CLEC6A: variants seen among roughly 807,000 people sequenced by gnomAD.
CLEC6A encodes the protein C-type lectin domain family 6 member A.
CLEC6A carries 22 observed loss-of-function variants against 25.7 expected under a neutral mutation model. The ratio of observed to expected loss-of-function variants is 0.85; its 90% CI spans 0.61 to 1.22. The LOEUF (loss-of-function observed/expected upper bound fraction) is 1.22, where lower values mean the gene tolerates loss of function less well. Ranked by LOEUF, CLEC6A falls within the 50% of genes most tolerant of loss-of-function variation. The pLI, the probability that CLEC6A is intolerant of heterozygous loss-of-function variation, is 0.00. For synonymous variants in CLEC6A, 92 were observed against 76.7 expected (o/e 1.20, Z -1.04); for missense variants, 240 against 236.8 (o/e 1.01, Z -0.09).
chr12:8,470,946 T>C (rs1434241924), intron 4 of CLEC6A, among the ~76,000 whole-genome samples: 1 of 152,104 alleles, frequency 6.6e-6, no homozygotes, highest in Admixed American at 6.6e-5. Flanking sequence ...ATATATGACT[T>C]TTATCATGTT....
At chr12:8,471,051 A>T (rs73244610) in intron 4 of CLEC6A, among the ~76,000 whole-genome samples, 1 of 152,044 alleles carries the variant, frequency 6.6e-6, no homozygotes. Flanking sequence ...AATTGAGGTA[A>T]TCAGGTGGTT....
At chr12:8,458,124 C>A in intron 2 of CLEC6A, 137 bp downstream of exon 2, 2 of 595,388 alleles carry the variant, frequency 3.4e-6, no homozygotes, top group Non-Finnish European at 5.9e-6. Context: ...CTTGATTTCT[C>A]CTTTTCCCTT....
At chr12:8,461,618 G>T (rs1939754491) in intron 3 of CLEC6A, among the ~76,000 whole-genome samples, 1 of 152,148 alleles carries the variant, frequency 6.6e-6, no homozygotes, top group Admixed American at 6.5e-5. Context: ...ATAATACCAT[G>T]TCAGCAAATA....
intron 3 of CLEC6A, among the ~76,000 whole-genome samples, chr12:8,463,137 A>G (rs1332642567): frequency 6.6e-6 from 1 of 152,054 alleles, no homozygotes; most frequent in East Asian, 1.9e-4. Context: ...TAAAATTTAC[A>G]TGATACTTTT....
At chr12:8,460,826 G>A in intron 3 of CLEC6A, 1 of 1,045,070 alleles carries the variant, frequency 9.6e-7, no homozygotes, top group Non-Finnish European at 1.5e-6. Flanking sequence ...AGCCCTGGTG[G>A]CCAAAAACGC....
chr12:8,458,038 T>G, intron 2 of CLEC6A, 51 bp downstream of exon 2: 1 of 1,281,124 alleles, frequency 7.8e-7, no homozygotes, highest in East Asian at 2.3e-5. Context: ...CCTTGAATAT[T>G]CCATACAGGT....
At chr12:8,457,805 C>A in intron 1 of CLEC6A, 93 bp from the exon 2 acceptor site, 1 of 858,268 alleles carries the variant, frequency 1.2e-6, no homozygotes, top group South Asian at 1.4e-5. Context: ...CTCTGAGGTT[C>A]TTCATCTAGT....
intron 3 of CLEC6A, chr12:8,460,806 G>T: frequency 8.1e-7 from 1 of 1,238,426 alleles, no homozygotes. Flanking sequence ...TTATATATAG[G>T]ATTCGTGTTA....
chr12:8,461,023 G>T lies in CLEC6A; in HGVS notation c.223+1325G>T. The T allele has an allele frequency of 3.9e-6, 6 of 1,540,436 alleles. No homozygotes were observed. The South Asian group carries it at 6.7e-5, about 17-fold the overall frequency. On this transcript the variant is annotated intron_variant, in intron 3 of 5. Transcript: ENST00000382073. The stretch of plus-strand genomic sequence containing the variant: ...AAAATTTTTGGGGGTTATCCTCATT[G>T]ATCCATTCTATAAAGCTATCAGAAG...
At chr12:8,467,635 C>G (rs1272237815) in intron 4 of CLEC6A, among the ~76,000 whole-genome samples, 1 of 152,140 alleles carries the variant, frequency 6.6e-6, no homozygotes, top group Non-Finnish European at 1.5e-5. Flanking sequence ...AGGCATCCAA[C>G]TTTGTTCTTT....
intron 3 of CLEC6A, among the ~76,000 whole-genome samples, chr12:8,464,289 A>G (rs1315111929): frequency 6.6e-6 from 1 of 152,062 alleles, no homozygotes; most frequent in Admixed American, 6.5e-5. Context: ...AAGCCCAAGA[A>G]GATCACATAT....
At chr12:8,469,886 T>A (rs1939883418) in intron 4 of CLEC6A, among the ~76,000 whole-genome samples, 1 of 152,152 alleles carries the variant, frequency 6.6e-6, no homozygotes, top group Non-Finnish European at 1.5e-5. Context: ...AAAGACTTCA[T>A]GACCAAGAAC....
chr12:8,463,870 T>C (rs1939795862), intron 3 of CLEC6A, among the ~76,000 whole-genome samples: 1 of 152,256 alleles, frequency 6.6e-6, no homozygotes, highest in African/African-American at 2.4e-5. Context: ...TTTTGACAGA[T>C]GCTTTTATTG....
In CLEC6A at chr12:8,477,506, AT is replaced by A. The variant is rs775845223; in HGVS notation, c.*48del. 5 of 1,504,590 alleles carry A rather than the reference AT, an allele frequency of 3.3e-6. No individual in the cohort carries two copies. The African/African-American group carries it at 4.3e-5, about 13-fold the overall frequency. The allele number at this position is 1,504,590 out of a possible 1,614,324, so 93.2% of individuals were successfully genotyped here. A position where few individuals can be genotyped will look rare whatever the true frequency, so the allele number is the denominator to read the frequency against. Reference sequence around the variant, plus strand: ...AAAGAAGAGAAGAATTACTGACGTAATTTTTTCCCTGACGTCTTTAAAATTG... The same window carrying A: ...AAAGAAGAGAAGAATTACTGACGTAATTTTTCCCTGACGTCTTTAAAATTG... On this transcript the variant is annotated 3_prime_UTR_variant, in exon 6 of 6. Transcript: ENST00000382073.
Position 8,459,698 on chromosome 12 carries a change from G to C in CLEC6A, c.223G>C (p.Ala75Pro), listed in dbSNP as rs150852294. ...TCFSEGTKVP[A>P]WGCCPASWKS... ...CTTCAGTGAAGGGACAAAGGTGCCA[G>C]GTAAATCTTTAAAATACTGAAATAG... Residue 75 changes from alanine (A) to proline (P), a missense_variant and splice_region_variant, in exon 3 of 6, where the codon GCC becomes CCC. Transcript: ENST00000382073. The C allele has an allele frequency of 9.3e-4, 1,491 of 1,595,874 alleles. 13 individuals are homozygous for C. The highest frequency in any genetic ancestry group is 7.3e-3 in the African/African-American group (548 of 74,690).
rs140228594 is a variant in CLEC6A at position 8,461,082 on chromosome 12, C to G, written c.223+1384C>G. On this transcript the variant is annotated intron_variant, in intron 3 of 5. Coordinates refer to ENST00000382073, the MANE Select transcript of CLEC6A (RefSeq NM_001007033.2). ...ACACCCAGTGGATCACCAAACCAGT[C>G]CACAAGCACAGGGAGATGTGTGGGC... 2,750 of 1,595,952 alleles carry G rather than the reference C, an allele frequency of 1.7e-3. 46 individuals carry two copies. In the African/African-American group the frequency reaches 0.033, roughly 19 times the overall value.
At chr12:8,468,512 C>T (rs1939866316) in intron 4 of CLEC6A, among the ~76,000 whole-genome samples, 1 of 152,112 alleles carries the variant, frequency 6.6e-6, no homozygotes, top group Admixed American at 6.6e-5. Context: ...GCTAGGACTT[C>T]CAGTACTATG....
Position 8,476,178 on chromosome 12 carries a change from A to C in CLEC6A, c.423A>C (p.Ser141=). ...CATTTTCTTATTTTCTGGGGCTTTC[A>C]GACCCACAAGGTAATAATAATTGGC... ...NESFSYFLGL[S]DPQGNNNWQW... The change falls in exon 5 of 6, where the codon TCA becomes TCC. Residue 141 remains serine (S), a synonymous_variant. Transcript: ENST00000382073. The C allele has an allele frequency of 6.2e-7, 1 of 1,610,626 alleles. No homozygotes were observed. Among genetic ancestry groups the C allele is most frequent in the Non-Finnish European group, 8.5e-7 (1 of 1,179,194 alleles).
In CLEC6A at chr12:8,478,311, C is replaced by T. The variant is rs1042271327; in HGVS notation, c.*847C>T. On this transcript the variant is annotated 3_prime_UTR_variant, in exon 6 of 6. Transcript: ENST00000382073. ...AGTTTATTTTTATGTTATATAAAAACCTCAACAAATTTTCCAAACAACTAC... is the reference window on the plus strand; with the variant it reads ...AGTTTATTTTTATGTTATATAAAAATCTCAACAAATTTTCCAAACAACTAC... 2 of 151,840 alleles carry T rather than the reference C, an allele frequency of 1.3e-5. No homozygotes were observed. Among genetic ancestry groups the T allele is most frequent in the South Asian group, 4.1e-4 (2 of 4,826 alleles). 9.4% of individuals were successfully genotyped at this position (151,840 alleles called of 1,614,324 possible). A position where few individuals can be genotyped will look rare whatever the true frequency, so the allele number is the denominator to read the frequency against.
Sources: gnomAD v4.1 joint callset for allele counts (sites outside exome capture counted in the v4.1 genomes callset) on GRCh38, gnomAD v4.1.1 for gene constraint, MANE v1.5 for transcripts, NCBI Gene and HGNC (gene_info 2026-07-23, HGNC 2026-07-21) for gene names.